Variants in DLEC1 observed in about 807,000 individuals in gnomAD.
DLEC1 encodes DLEC1 cilia and flagella associated protein.
DLEC1 carries 146 observed loss-of-function variants against 198.1 expected under a neutral mutation model. The observed-to-expected ratio is 0.74, with a 90% CI of 0.64 to 0.85. DLEC1 has a LOEUF of 0.85. DLEC1 is among the 40% of genes least tolerant of loss of function. DLEC1 has a pLI of 0.00. For synonymous variants in DLEC1, 897 were observed against 866.8 expected, an observed-to-expected ratio of 1.03 and a Z score of -0.61; for missense variants, 2,233 against 2,220.0, an observed-to-expected ratio of 1.01 and a Z score of -0.12.
chr3:38,109,618 G>A (rs1176915217), intron 22 of DLEC1, 56 bp downstream of exon 22: 68 of 1,610,016 alleles, frequency 4.2e-5, no homozygotes, highest in Middle Eastern at 1.9e-4. Flanking sequence ...TGAGGCAGCC[G>A]CGCCCAGGAC....
In DLEC1 at chr3:38,116,559, G is replaced by A. The variant is rs370640135; in HGVS notation, c.3963G>A (p.Gly1321=). ...CTTTCCCGCTGCGGGACCAAGCCGG[G>A]AATGAGCTTGTGTGCCCTGATACCC... ...GPPFPLRDQA[G]NELVCPDTPE... The change falls in exon 28 of 37, where the codon GGG becomes GGA. Residue 1321 remains glycine (G), a synonymous_variant. Transcript: ENST00000308059. 3.2e-5 allele frequency: 52 copies of A among 1,614,146 alleles called. No individual in the cohort carries two copies. The African/African-American group carries it at 6.4e-4, about 20-fold the overall frequency.
chr3:38,047,127 T>G (rs571180953), intron 2 of DLEC1, among the ~76,000 whole-genome samples: 30 of 152,378 alleles, frequency 2.0e-4, no homozygotes, highest in Admixed American at 1.0e-3. Flanking sequence ...AATCAAATTA[T>G]AATTGATTAG....
intron 6 of DLEC1, among the ~76,000 whole-genome samples, chr3:38,083,358 C>T (rs562611635): frequency 2.6e-5 from 4 of 151,148 alleles, no homozygotes; most frequent in African/African-American, 9.7e-5. Flanking sequence ...GGTTTGTTCT[C>T]TGGCAGGCAG....
intron 2 of DLEC1, among the ~76,000 whole-genome samples, chr3:38,047,110 T>G (rs2125579771): frequency 6.6e-6 from 1 of 152,354 alleles, no homozygotes; most frequent in South Asian, 2.1e-4. Context: ...CTGCATTAAA[T>G]TCTCCAAATC....
At chr3:38,059,598 T>C in intron 2 of DLEC1, 144 bp from the exon 3 acceptor site, 1 of 669,390 alleles carries the variant, frequency 1.5e-6, no homozygotes, top group East Asian at 2.6e-5. Flanking sequence ...TTGATGAGTT[T>C]CTTAAATCTC....
rs1186742766 is a variant in DLEC1 at position 38,112,363 on chromosome 3, T to C, written c.3666+2T>C. ...TACTGGGACAACCTCATCTGCACGG[T>C]AAGGGTACACAAGAGGGCAGTGGCC... On this transcript the variant is annotated splice_donor_variant, in intron 25 of 36. Coordinates refer to ENST00000308059, the MANE Select transcript of DLEC1 (RefSeq NM_007335.4). LOFTEE classifies it high-confidence loss of function. The surrounding 1 kb of genome is among the most constrained non-coding windows in gnomAD (Gnocchi z 4.8). 6.2e-7 allele frequency: 1 copy of C among 1,613,814 alleles called. No homozygotes were observed. Among genetic ancestry groups the C allele is most frequent in the Non-Finnish European group, 8.5e-7 (1 of 1,179,974 alleles).
At chr3:38,059,140 G>A (rs1273550642) in intron 2 of DLEC1, among the ~76,000 whole-genome samples, 3 of 152,132 alleles carry the variant, frequency 2.0e-5, no homozygotes, top group African/African-American at 4.8e-5. Context: ...AGCTGGCTGG[G>A]CTTGGCTGGC....
Position 38,122,996 on chromosome 3 carries a change from C to G in DLEC1, c.*584C>G. ...TTGCTTTTGTGGTGTTACTGCCTTGCTGCTAGAGCAGCAGGACTGTCTGCG... is the reference window on the plus strand; with the variant it reads ...TTGCTTTTGTGGTGTTACTGCCTTGGTGCTAGAGCAGCAGGACTGTCTGCG... On this transcript the variant is annotated 3_prime_UTR_variant, in exon 37 of 37. Coordinates refer to ENST00000308059, the MANE Select transcript of DLEC1 (RefSeq NM_007335.4). 6.3e-7 allele frequency: 1 copy of G among 1,590,974 alleles called. No homozygotes were observed. The highest frequency in any genetic ancestry group is 8.6e-7 in the Non-Finnish European group (1 of 1,160,656).
chr3:38,041,615 G>C (rs150624266), intron 1 of DLEC1, among the ~76,000 whole-genome samples: 1 of 151,874 alleles, frequency 6.6e-6, no homozygotes. Flanking sequence ...TTGGGAGGCC[G>C]AGGCGGGCAG....
chr3:38,053,106 G>A (rs1285588503), intron 2 of DLEC1, among the ~76,000 whole-genome samples: 1 of 152,236 alleles, frequency 6.6e-6, no homozygotes, highest in African/African-American at 2.4e-5. Context: ...ATGTTGCCCA[G>A]GCTGGAGTGC....
chr3:38,094,042 A>G (rs563180258), intron 12 of DLEC1, among the ~76,000 whole-genome samples: 5 of 152,342 alleles, frequency 3.3e-5, no homozygotes, highest in African/African-American at 9.6e-5. Context: ...CATATTGGAC[A>G]GTGCAGATCT....
In DLEC1 at chr3:38,088,323, C is replaced by T; in HGVS notation, c.1600C>T (p.Gln534Ter). The change falls in exon 10 of 37, where the codon CAA (glutamine) becomes TAA (stop). Residue 534 changes from glutamine to a stop codon, truncating the protein, a stop_gained. Transcript: ENST00000308059. LOFTEE classifies it high-confidence loss of function. ...CATTGCAACCGTCGGCTTTGTTGAA[C>T]AACCTCCTTTTGGAATCCTGCCTTC... ...KAIATVGFVEQPPFGILPSVF... is the reference protein window; with the variant it reads ...KAIATVGFVE The T allele has an allele frequency of 6.2e-7, 1 of 1,614,110 alleles. No homozygotes were observed. Among genetic ancestry groups the T allele is most frequent in the Non-Finnish European group, 8.5e-7 (1 of 1,179,924 alleles).
intron 2 of DLEC1, among the ~76,000 whole-genome samples, chr3:38,059,168 G>A (rs755350871): frequency 1.3e-5 from 2 of 152,186 alleles, no homozygotes; most frequent in Non-Finnish European, 2.9e-5. Context: ...GCTCCAAGCT[G>A]TGGGTCCAGC....
intron 7 of DLEC1, 91 bp downstream of exon 7, chr3:38,084,336 G>C: frequency 9.1e-7 from 1 of 1,103,540 alleles, no homozygotes; most frequent in Non-Finnish European, 1.3e-6. Flanking sequence ...AGTAATGGTA[G>C]CAATGATAGT....
chr3:38,065,767 T>C (rs1011379129), intron 6 of DLEC1, among the ~76,000 whole-genome samples: 4 of 152,092 alleles, frequency 2.6e-5, no homozygotes, highest in Non-Finnish European at 5.9e-5. Context: ...TCATTTGTTT[T>C]AAAAAAAAGT....
In DLEC1 at chr3:38,039,473, G is replaced by A. The variant is rs748124987; in HGVS notation, c.248G>A (p.Arg83His). ...CCCGAGCCTCAGCTGCTTCGTCTGCGCCCCTCCTCGCTGCGCACCCAAGAT... is the reference window on the plus strand; with the variant it reads ...CCCGAGCCTCAGCTGCTTCGTCTGCACCCCTCCTCGCTGCGCACCCAAGAT... ...QRPEPQLLRL[R>H]PSSLRTQDIS... Residue 83 changes from arginine (R) to histidine (H), a missense_variant, in exon 1 of 37, where the codon CGC becomes CAC. Transcript: ENST00000308059. The A allele has an allele frequency of 3.1e-6, 5 of 1,613,888 alleles. No individual in the cohort carries two copies. In the South Asian group the frequency reaches 3.3e-5, roughly 11 times the overall value.
At chr3:38,059,657 T>C (rs944767459) in intron 2 of DLEC1, 85 bp from the exon 3 acceptor site, 36 of 1,133,516 alleles carry the variant, frequency 3.2e-5, no homozygotes, top group Admixed American at 1.7e-4. Flanking sequence ...TAGTTTAGGC[T>C]TGGCGGATGA....
chr3:38,064,007 CTTTTTTTTTTT>C (rs71094947), intron 6 of DLEC1, 88 bp downstream of exon 6: 5 of 448,210 alleles, frequency 1.1e-5, no homozygotes, highest in Middle Eastern at 6.1e-4. Flanking sequence ...TTTTTTTTTT[CTTTTTTTTTTT>C]TTTTTTAGTA....
intron 30 of DLEC1, 38 bp downstream of exon 30, chr3:38,117,138 T>A (rs1021556741): frequency 6.2e-7 from 1 of 1,613,930 alleles, no homozygotes; most frequent in African/African-American, 1.3e-5. Flanking sequence ...CCGCAGCCAC[T>A]GCTCCCTCCT....
Sources: allele counts gnomAD v4.1 joint callset (sites outside exome capture counted in the v4.1 genomes callset), GRCh38; gene constraint gnomAD v4.1.1; non-coding constraint Gnocchi (gnomAD v3.1); transcripts MANE v1.5; gene names NCBI Gene and HGNC (gene_info 2026-07-23, HGNC 2026-07-21).